Variants in DGKB observed in about 807,000 individuals in gnomAD.
The protein encoded by DGKB is 90 kDa diacylglycerol kinase.
A neutral mutation model predicts 114.3 loss-of-function variants in DGKB; 67 were observed. The ratio of observed to expected loss-of-function variants is 0.59; its 90% CI spans 0.48 to 0.72. The LOEUF is 0.72. Among genes scored for constraint, DGKB ranks in the 30% least tolerant of loss-of-function variants. The pLI is 0.00. For synonymous variants in DGKB, 398 were observed against 323.1 expected (o/e 1.23, Z -2.49); for missense variants, 907 against 975.2 (o/e 0.93, Z 0.93).
intron 23 of DGKB, among the ~76,000 whole-genome samples, chr7:14,275,528 T>C (rs1322603111): frequency 6.6e-6 from 1 of 152,196 alleles, no homozygotes; most frequent in Non-Finnish European, 1.5e-5. Context: ...AAGCACTTAA[T>C]TGCAACATGT....
chr7:14,859,027 T>C (rs1007421862), intron 1 of DGKB, among the ~76,000 whole-genome samples: 1 of 152,200 alleles, frequency 6.6e-6, no homozygotes, highest in Non-Finnish European at 1.5e-5. Context: ...TGATTCTAAC[T>C]GGAGTCAGTA....
chr7:14,966,957 T>G (rs1787191402), intron 1 of DGKB, among the ~76,000 whole-genome samples: 1 of 152,172 alleles, frequency 6.6e-6, no homozygotes, highest in East Asian at 1.9e-4. Flanking sequence ...GGAAATATTA[T>G]GCATGAATTG....
chr7:14,587,815 T>C (rs1319381039), intron 17 of DGKB, among the ~76,000 whole-genome samples: 1 of 152,134 alleles, frequency 6.6e-6, no homozygotes, highest in Non-Finnish European at 1.5e-5. Flanking sequence ...AATTAAGGTA[T>C]ATACATTTTT....
chr7:14,418,380 T>TACACACACAC (rs1251768631), intron 21 of DGKB, among the ~76,000 whole-genome samples: 8 of 81,156 alleles, frequency 9.9e-5, no homozygotes, highest in Non-Finnish European at 1.6e-4. Flanking sequence ...TGTATATATA[T>TACACACACAC]ATATATATAT....
At chr7:14,660,127 T>C (rs144376299) in intron 13 of DGKB, among the ~76,000 whole-genome samples, 32,495 of 150,006 alleles carry the variant, frequency 0.22, 4,484 homozygotes, top group East Asian at 0.73. Flanking sequence ...CTGCTGGATT[T>C]GTTTTGCCAG....
At chr7:14,873,322 C>G (rs1852764481) in intron 1 of DGKB, among the ~76,000 whole-genome samples, 1 of 152,032 alleles carries the variant, frequency 6.6e-6, no homozygotes, top group Non-Finnish European at 1.5e-5. Flanking sequence ...GTATAAAAGA[C>G]AAATAGGCAT....
chr7:14,938,687 G>A (rs1408199050), intron 1 of DGKB, among the ~76,000 whole-genome samples: 7 of 151,256 alleles, frequency 4.6e-5, no homozygotes, highest in African/African-American at 1.5e-4. Flanking sequence ...AAAATAGTTC[G>A]CAAAAGACAG....
At chr7:14,272,561 T>C (rs981146482) in intron 23 of DGKB, among the ~76,000 whole-genome samples, 1 of 152,216 alleles carries the variant, frequency 6.6e-6, no homozygotes, top group Non-Finnish European at 1.5e-5. Flanking sequence ...CAAGATTCAT[T>C]GCACAGTAGT....
At chr7:14,300,905 G>C (rs1224737842) in intron 23 of DGKB, among the ~76,000 whole-genome samples, 1 of 152,054 alleles carries the variant, frequency 6.6e-6, no homozygotes, top group African/African-American at 2.4e-5. Flanking sequence ...TTAGACATTG[G>C]TTTATCAGTC....
chr7:14,946,642 T>TCTGTCATTA (rs1462857019), intron 1 of DGKB, among the ~76,000 whole-genome samples: 1 of 151,740 alleles, frequency 6.6e-6, no homozygotes, highest in Non-Finnish European at 1.5e-5. Flanking sequence ...CACAAAGGAA[T>TCTGTCATTA]CTGTCATTAT....
At chr7:14,640,276 T>A (rs1470746786) in intron 13 of DGKB, among the ~76,000 whole-genome samples, 1 of 152,150 alleles carries the variant, frequency 6.6e-6, no homozygotes, top group African/African-American at 2.4e-5. Flanking sequence ...AAATGTGGAA[T>A]TCCAGGAGAA....
intron 1 of DGKB, among the ~76,000 whole-genome samples, chr7:14,951,571 AC>A (rs1260085609): frequency 9.2e-5 from 14 of 152,058 alleles, no homozygotes; most frequent in African/African-American, 3.4e-4. Context: ...TCTATATAAT[AC>A]AATAATAGTG....
At chr7:14,155,774 A>G (rs1017266765) in intron 25 of DGKB, among the ~76,000 whole-genome samples, 6 of 152,086 alleles carry the variant, frequency 3.9e-5, no homozygotes, top group African/African-American at 1.4e-4. Context: ...GTGTGTAGTG[A>G]TGCTTTTTAT....
At chr7:14,918,690 T>C (rs1232372625) in intron 1 of DGKB, among the ~76,000 whole-genome samples, 2 of 152,184 alleles carry the variant, frequency 1.3e-5, no homozygotes, top group Admixed American at 1.3e-4. Flanking sequence ...TTGATCTATA[T>C]GTCAACTTGA....
At chr7:14,417,781 T>C (rs147237396) in intron 21 of DGKB, among the ~76,000 whole-genome samples, 1 of 152,038 alleles carries the variant, frequency 6.6e-6, no homozygotes, top group East Asian at 1.9e-4. Context: ...TCTGTAAAGC[T>C]TTCTGCTGTA....
At chr7:14,437,186 G>T (rs938153344) in intron 21 of DGKB, among the ~76,000 whole-genome samples, 1 of 151,970 alleles carries the variant, frequency 6.6e-6, no homozygotes, top group Non-Finnish European at 1.5e-5. Flanking sequence ...TAGAGGATCT[G>T]CAAGAACAAC....
At chr7:14,370,223 T>C (rs1009773133) in intron 21 of DGKB, among the ~76,000 whole-genome samples, 1 of 152,226 alleles carries the variant, frequency 6.6e-6, no homozygotes, top group African/African-American at 2.4e-5. Flanking sequence ...CCATTCCTTG[T>C]TTTTGTCAGG....
chr7:14,767,180 T>G (rs907122002), intron 2 of DGKB, among the ~76,000 whole-genome samples: 3 of 151,654 alleles, frequency 2.0e-5, no homozygotes, highest in Admixed American at 6.6e-5. Context: ...ATAGAAATTA[T>G]TCAGTCGAGA....
At chr7:14,291,079 T>G (rs995708180) in intron 23 of DGKB, among the ~76,000 whole-genome samples, 2 of 146,194 alleles carry the variant, frequency 1.4e-5, no homozygotes, top group African/African-American at 5.2e-5. Flanking sequence ...GAGGCAGAGG[T>G]TGCAGTGAGC....
Sources: allele counts gnomAD v4.1 joint callset (sites outside exome capture counted in the v4.1 genomes callset), GRCh38; gene constraint gnomAD v4.1.1; transcripts MANE v1.5; gene names NCBI Gene and HGNC (gene_info 2026-07-23, HGNC 2026-07-21).